SLCO3A1: variants seen among roughly 807,000 people sequenced by gnomAD.
SLCO3A1 encodes solute carrier organic anion transporter family member 3A1.
In SLCO3A1, 27 loss-of-function variants were observed where a neutral mutation model predicts 63.1. The ratio of observed to expected loss-of-function variants is 0.43; its 90% CI spans 0.32 to 0.59. The LOEUF (loss-of-function observed/expected upper bound fraction) is 0.59, where lower values mean the gene tolerates loss of function less well. Among genes scored for constraint, SLCO3A1 ranks in the 20% least tolerant of loss-of-function variants. SLCO3A1 has a pLI of 0.09. For synonymous variants in SLCO3A1, 473 were observed against 409.9 expected (o/e 1.15, Z -1.86); for missense variants, 773 against 945.8 (o/e 0.82, Z 2.40).
At chr15:91,970,048 G>C (rs981497030) in intron 2 of SLCO3A1, among the ~76,000 whole-genome samples, 7 of 152,130 alleles carry the variant, frequency 4.6e-5, no homozygotes, top group Admixed American at 1.3e-4. Flanking sequence ...AGGCAAAAAG[G>C]CTATTTCTGC....
chr15:92,126,542 G>A (rs1490557586), intron 6 of SLCO3A1, among the ~76,000 whole-genome samples: 1 of 152,184 alleles, frequency 6.6e-6, no homozygotes, highest in Non-Finnish European at 1.5e-5. Flanking sequence ...TAGGAAAAAT[G>A]TGAAGAGAGA....
At chr15:92,158,470 G>GGGAGTGGT (rs1409768328) in intron 9 of SLCO3A1, among the ~76,000 whole-genome samples, 1 of 152,190 alleles carries the variant, frequency 6.6e-6, no homozygotes, top group Non-Finnish European at 1.5e-5. Flanking sequence ...GTGGGGCAGG[G>GGGAGTGGT]GGAGTGGTTA....
At chr15:92,019,532 G>A (rs376110333) in intron 2 of SLCO3A1, among the ~76,000 whole-genome samples, 2 of 152,200 alleles carry the variant, frequency 1.3e-5, no homozygotes, top group African/African-American at 4.8e-5. Context: ...TTTAAGGTAC[G>A]ACACACGCTG....
chr15:92,171,209 C>T (rs1317268659), intron 10 of SLCO3A1: 1 of 152,538 alleles, frequency 6.6e-6, no homozygotes, highest in Admixed American at 6.5e-5. Flanking sequence ...TTTTTAATAC[C>T]TTTAAAATGA....
intron 2 of SLCO3A1, among the ~76,000 whole-genome samples, chr15:92,044,312 C>G (rs2046833857): frequency 1.3e-5 from 2 of 152,174 alleles, no homozygotes; most frequent in Admixed American, 6.5e-5. Flanking sequence ...TCACGAACCC[C>G]TGTTCCTCTC....
At chr15:92,006,534 T>G (rs2046314779) in intron 2 of SLCO3A1, among the ~76,000 whole-genome samples, 1 of 152,204 alleles carries the variant, frequency 6.6e-6, no homozygotes. Context: ...TGGTGACTGT[T>G]TCCTACTTTG....
At chr15:92,142,348 A>C (rs2048145088) in intron 7 of SLCO3A1, among the ~76,000 whole-genome samples, 1 of 152,184 alleles carries the variant, frequency 6.6e-6, no homozygotes. Context: ...TGGGAAGTCC[A>C]ATATTAAACT....
chr15:92,114,388 G>A (rs917514266), intron 4 of SLCO3A1, among the ~76,000 whole-genome samples: 1 of 152,042 alleles, frequency 6.6e-6, no homozygotes, highest in African/African-American at 2.4e-5. Context: ...CTTACGGGGC[G>A]TGGTGCTCAC....
rs527526172 is a variant in SLCO3A1 at position 92,046,635 on chromosome 15, G to A, written c.647-48246G>A. On this transcript the variant is annotated intron_variant, in intron 2 of 9. Transcript: ENST00000318445. ...TGCAGTACAGGCTGCCTTGTCCAAG[G>A]CTGCAGTTTTGGTAGCCCCTGTACT... Among the ~76,000 whole-genome samples, 14 of 152,138 alleles carry A rather than the reference G, an allele frequency of 9.2e-5. No homozygotes were observed. The South Asian group carries it at 1.9e-3, about 20-fold the overall frequency.
intron 3 of SLCO3A1, among the ~76,000 whole-genome samples, chr15:92,100,671 C>G (rs768836845): frequency 1.3e-5 from 2 of 152,194 alleles, no homozygotes; most frequent in East Asian, 1.9e-4. Context: ...CTATGCCAAG[C>G]CTGCCTGAGA....
At chr15:92,141,706 C>T (rs2151581505) in intron 7 of SLCO3A1, among the ~76,000 whole-genome samples, 1 of 152,310 alleles carries the variant, frequency 6.6e-6, no homozygotes, top group Admixed American at 6.5e-5. Flanking sequence ...GGTGAAACTA[C>T]CTAAGTCCTC....
intron 8 of SLCO3A1, chr15:92,149,794 A>G (rs1287953767): frequency 1.3e-5 from 2 of 152,226 alleles, no homozygotes; most frequent in African/African-American, 4.8e-5. Context: ...CTGAAAGGAA[A>G]TCAAATTTCA....
At chr15:91,949,633 A>T (rs1362839860) in intron 2 of SLCO3A1, among the ~76,000 whole-genome samples, 1 of 152,076 alleles carries the variant, frequency 6.6e-6, no homozygotes, top group Non-Finnish European at 1.5e-5. Flanking sequence ...CTGTCCCCCC[A>T]AAAGAAGAGT....
intron 2 of SLCO3A1, among the ~76,000 whole-genome samples, chr15:92,019,816 C>A (rs28729478): frequency 6.6e-6 from 1 of 152,044 alleles, no homozygotes; most frequent in Non-Finnish European, 1.5e-5. Context: ...GGGGTGGCTC[C>A]TTTCTACTTG....
At chr15:92,089,075 G>A (rs999527456) in intron 2 of SLCO3A1, among the ~76,000 whole-genome samples, 4 of 151,846 alleles carry the variant, frequency 2.6e-5, no homozygotes, top group African/African-American at 9.7e-5. Flanking sequence ...GCCCAGGCTG[G>A]AGTGCAGTGG....
chr15:92,113,169 G>A (rs1312997764), intron 4 of SLCO3A1, among the ~76,000 whole-genome samples: 5 of 152,154 alleles, frequency 3.3e-5, no homozygotes, highest in Non-Finnish European at 5.9e-5. Flanking sequence ...CTGTGATCCC[G>A]AGCGGAGCCT....
At chr15:92,020,951 G>A (rs2046501518) in intron 2 of SLCO3A1, among the ~76,000 whole-genome samples, 1 of 152,194 alleles carries the variant, frequency 6.6e-6, no homozygotes, top group Non-Finnish European at 1.5e-5. Flanking sequence ...CTTCATTGTT[G>A]TGTGATCTCA....
At chr15:91,896,767 C>T (rs1224202300) in intron 1 of SLCO3A1, among the ~76,000 whole-genome samples, 4 of 152,190 alleles carry the variant, frequency 2.6e-5, no homozygotes, top group Non-Finnish European at 4.4e-5. Context: ...AGTGTGAGAA[C>T]AGACTAATAC....
At chr15:92,118,432 G>A (rs2047821835) in intron 4 of SLCO3A1, among the ~76,000 whole-genome samples, 1 of 152,152 alleles carries the variant, frequency 6.6e-6, no homozygotes, top group Non-Finnish European at 1.5e-5. Flanking sequence ...CTTCTGTGTA[G>A]ATTTTCATTC....
Sources: gnomAD v4.1 joint callset for allele counts (sites outside exome capture counted in the v4.1 genomes callset) on GRCh38, gnomAD v4.1.1 for gene constraint, MANE v1.5 for transcripts, NCBI Gene and HGNC (gene_info 2026-07-23, HGNC 2026-07-21) for gene names.